The following SLC16A9 variants were observed in gnomAD, a reference collection of about 807,000 sequenced individuals.
SLC16A9 encodes the protein solute carrier family 16 member 9.
In SLC16A9, 26 loss-of-function variants were observed where a neutral mutation model predicts 44.3. That is an observed-to-expected ratio of 0.59 (90% CI 0.43 to 0.81). The LOEUF (loss-of-function observed/expected upper bound fraction) is 0.81, where lower values mean the gene tolerates loss of function less well. SLC16A9 is among the 40% of genes least tolerant of loss of function. The pLI is 0.00. For synonymous variants in SLC16A9, 230 were observed against 225.1 expected (o/e 1.02, Z -0.19); for missense variants, 559 against 595.8 (o/e 0.94, Z 0.64).
intron 1 of SLC16A9, among the ~76,000 whole-genome samples, chr10:59,689,832 T>C (rs1840214375): frequency 6.6e-6 from 1 of 152,204 alleles, no homozygotes; most frequent in South Asian, 2.1e-4. Context: ...TTGATGACCA[T>C]AGAATATAAG....
chr10:59,700,178 G>C (rs1840491603), intron 1 of SLC16A9, among the ~76,000 whole-genome samples: 1 of 152,150 alleles, frequency 6.6e-6, no homozygotes, highest in Non-Finnish European at 1.5e-5. Flanking sequence ...GTCCAAACAA[G>C]GTTTGCTTTT....
intron 1 of SLC16A9, among the ~76,000 whole-genome samples, chr10:59,689,209 A>G (rs760203609): frequency 6.6e-6 from 1 of 152,100 alleles, no homozygotes; most frequent in Non-Finnish European, 1.5e-5. Context: ...CCATTGAGTG[A>G]TTTCCTGTAT....
intron 1 of SLC16A9, among the ~76,000 whole-genome samples, chr10:59,696,176 G>T (rs977350690): frequency 6.6e-6 from 1 of 152,226 alleles, no homozygotes; most frequent in East Asian, 1.9e-4. Flanking sequence ...CTGTGCTGCT[G>T]CCATCTTGGC....
At chr10:59,659,452 A>G (rs1839423759) in intron 4 of SLC16A9, among the ~76,000 whole-genome samples, 1 of 152,156 alleles carries the variant, frequency 6.6e-6, no homozygotes, top group Admixed American at 6.6e-5. Context: ...AATGCTAACA[A>G]TCCTAAATAT....
At chr10:59,685,802 G>C (rs557708283) in intron 1 of SLC16A9, among the ~76,000 whole-genome samples, 30 of 152,284 alleles carry the variant, frequency 2.0e-4, no homozygotes, top group African/African-American at 7.0e-4. Flanking sequence ...AGAAAATATT[G>C]AAAAAGCTGA....
chr10:59,666,298 CAAAAAAA>C (rs35476359), intron 3 of SLC16A9, among the ~76,000 whole-genome samples: 1 of 102,022 alleles, frequency 9.8e-6, no homozygotes, highest in East Asian at 3.4e-4. Flanking sequence ...GACTCTGTCT[CAAAAAAA>C]AAAAAAAAAG....
chr10:59,663,936 T>C (rs1839543965), intron 4 of SLC16A9, among the ~76,000 whole-genome samples: 1 of 151,514 alleles, frequency 6.6e-6, no homozygotes, highest in Non-Finnish European at 1.5e-5. Context: ...TAAAAATGTA[T>C]TAATGTTATA....
chr10:59,684,363 AGAG>A (rs1840088192), intron 1 of SLC16A9, 36 bp from the exon 2 acceptor site: 1 of 1,321,650 alleles, frequency 7.6e-7, no homozygotes, highest in Non-Finnish European at 1.1e-6. Flanking sequence ...AATCTTATTT[AGAG>A]TGTGGTAGGG....
chr10:59,675,555 C>T (rs1839839565), intron 2 of SLC16A9, among the ~76,000 whole-genome samples: 2 of 152,158 alleles, frequency 1.3e-5, no homozygotes, highest in South Asian at 4.2e-4. Context: ...ACACCTGGAG[C>T]TGGTGATCAG....
chr10:59,701,077 CA>C (rs1840512670), intron 1 of SLC16A9, among the ~76,000 whole-genome samples: 1 of 152,220 alleles, frequency 6.6e-6, no homozygotes, highest in Non-Finnish European at 1.5e-5. Flanking sequence ...CCAGGCCCCT[CA>C]AACTCAATTC....
intron 2 of SLC16A9, among the ~76,000 whole-genome samples, chr10:59,673,504 A>T (rs1564702188): frequency 6.6e-6 from 1 of 152,256 alleles, no homozygotes; most frequent in Non-Finnish European, 1.5e-5. Flanking sequence ...CAACAGTCTC[A>T]TTTAACATGG....
rs143553788 is a variant in SLC16A9, at chr10:59,702,947, T to G, written c.-37+6532A>C. Among the ~76,000 whole-genome samples the G allele has an allele frequency of 6.3e-3, 953 of 152,330 alleles. 25 individuals carry two copies. The highest frequency in any genetic ancestry group is 0.043 in the Admixed American group (654 of 15,302). On this transcript the variant is annotated intron_variant, in intron 1 of 5. Coordinates refer to ENST00000395348, the MANE Select transcript of SLC16A9 (RefSeq NM_194298.3). The stretch of plus-strand genomic sequence containing the variant: ...TGAAGATTGCTTTGTCTGAACACCA[T>G]CAGCCAAGCCTATAAATACCCCTCA...
At position 59,653,824 on chromosome 10, in the gene SLC16A9, AG is replaced by A; in HGVS notation, c.1201del (p.Leu401PhefsTer5). ...AGTAAGAAACCCTAGGATCCCAGAA[AG>A]CAACGCCAATGTGACATAGCTTTTG... is the stretch of plus-strand genomic sequence containing the variant. ...FAKSYVTLAL[L>X]SGILGFLTGN... On this transcript the variant is annotated frameshift_variant, in exon 5 of 6. Transcript: ENST00000395348. LOFTEE classifies it high-confidence loss of function. The A allele has an allele frequency of 6.2e-7, 1 of 1,614,196 alleles. No homozygotes were observed. Among genetic ancestry groups the A allele is most frequent in the Non-Finnish European group, 8.5e-7 (1 of 1,180,028 alleles).
chr10:59,686,188 A>G (rs1840129870), intron 1 of SLC16A9, among the ~76,000 whole-genome samples: 1 of 152,144 alleles, frequency 6.6e-6, no homozygotes, highest in Admixed American at 6.6e-5. Context: ...CATCATTACC[A>G]CATTTGTTTC....
intron 4 of SLC16A9, among the ~76,000 whole-genome samples, chr10:59,661,033 C>A (rs529720035): frequency 1.3e-5 from 2 of 152,060 alleles, no homozygotes; most frequent in African/African-American, 4.8e-5. Flanking sequence ...TCTGACAAAC[C>A]GACAGCCAAT....
chr10:59,662,644 A>AAG (rs1407127536), intron 4 of SLC16A9, among the ~76,000 whole-genome samples: 1 of 144,280 alleles, frequency 6.9e-6, no homozygotes, highest in African/African-American at 2.8e-5. Context: ...AAAAAAAAAA[A>AAG]AAAAAAAAAG....
In SLC16A9 at chr10:59,681,762, GA is replaced by G. The variant is rs1282899586; in HGVS notation, c.196+2333del. On this transcript the variant is annotated intron_variant, in intron 2 of 5. Coordinates refer to ENST00000395348, the MANE Select transcript of SLC16A9 (RefSeq NM_194298.3). Reference sequence around the variant, plus strand: ...ATATGATGTATATGTATATGTATATGATGTATATGTATATGTATATGATGTA... The same window carrying G: ...ATATGATGTATATGTATATGTATATGTGTATATGTATATGTATATGATGTA... Among the ~76,000 whole-genome samples the G allele has an allele frequency of 6.0e-4, 2 of 3,326 alleles. 1 individual carries two copies. Among genetic ancestry groups the G allele is most frequent in the African/African-American group, 7.0e-4 (2 of 2,860 alleles). The allele number at this position is 3,326 out of a possible 152,430, so 2.2% of individuals were successfully genotyped here. A position where few individuals can be genotyped will look rare whatever the true frequency, so the allele number is the denominator to read the frequency against.
chr10:59,662,289 GAA>G (rs201875280), intron 4 of SLC16A9, among the ~76,000 whole-genome samples: 10 of 145,824 alleles, frequency 6.9e-5, no homozygotes, highest in African/African-American at 2.3e-4. Context: ...AAATTTACAA[GAA>G]AAAAAAAAAC....
At chr10:59,673,677 T>G (rs993261605) in intron 2 of SLC16A9, among the ~76,000 whole-genome samples, 1 of 152,208 alleles carries the variant, frequency 6.6e-6, no homozygotes, top group South Asian at 2.1e-4. Context: ...CAGACAATAC[T>G]GTTAGCAAGA....
Sources: gnomAD v4.1 joint callset for allele counts (sites outside exome capture counted in the v4.1 genomes callset) on GRCh38, gnomAD v4.1.1 for gene constraint, MANE v1.5 for transcripts, NCBI Gene and HGNC (gene_info 2026-07-23, HGNC 2026-07-21) for gene names.